The following DOCK9 variants were observed in gnomAD, a reference collection of about 807,000 sequenced individuals.
DOCK9 encodes dedicator of cytokinesis 9.
Under a neutral mutation model 263.3 loss-of-function variants are expected in DOCK9, and 89 were observed. The ratio of observed to expected loss-of-function variants is 0.34; its 90% CI spans 0.28 to 0.40. The LOEUF (loss-of-function observed/expected upper bound fraction) is 0.40, where lower values mean the gene tolerates loss of function less well. Ranked by LOEUF, DOCK9 falls within the 10% of genes least tolerant of loss-of-function variation. The pLI is 1.00. For synonymous variants in DOCK9, 976 were observed against 973.1 expected, an observed-to-expected ratio of 1.00 and a Z score of -0.06; for missense variants, 2,140 against 2,603.4, an observed-to-expected ratio of 0.82 and a Z score of 3.87.
chr13:99,077,982 C>G (rs1487997690), intron 1 of DOCK9, among the ~76,000 whole-genome samples: 1 of 151,974 alleles, frequency 6.6e-6, no homozygotes, highest in Non-Finnish European at 1.5e-5. Context: ...ATGAGGAAGG[C>G]AAAGGAGATA....
At chr13:98,906,003 T>C (rs1206585085) in intron 9 of DOCK9, among the ~76,000 whole-genome samples, 1 of 152,194 alleles carries the variant, frequency 6.6e-6, no homozygotes. Context: ...CCCACATTTC[T>C]AGCTTGGGCA....
At chr13:98,795,245 G>T (rs2089220634) in intron 52 of DOCK9, among the ~76,000 whole-genome samples, 1 of 152,188 alleles carries the variant, frequency 6.6e-6, no homozygotes. Context: ...CTTTAAAAAT[G>T]AATTTGAAGC....
Position 98,798,171 on chromosome 13 carries a change from C to A in DOCK9, c.5917-682G>T, listed in dbSNP as rs147812030. ...GAACGTGGTGAGAAAGAAGGCTGGA[C>A]ACACTGGGATGGGAAGAAGAATGTT... On this transcript the variant is annotated intron_variant, in intron 50 of 52. Coordinates refer to ENST00000682017, the MANE Select transcript of DOCK9 (RefSeq NM_001366683.2). 4.6e-5 allele frequency among the ~76,000 whole-genome samples: 7 copies of A among 152,302 alleles called. No homozygotes were observed. In the East Asian group the frequency reaches 1.4e-3, roughly 29 times the overall value.
chr13:99,072,037 C>T (rs1359749253), intron 1 of DOCK9, among the ~76,000 whole-genome samples: 4 of 152,222 alleles, frequency 2.6e-5, no homozygotes, highest in African/African-American at 7.2e-5. Flanking sequence ...TTCACCCCAG[C>T]CCCACCTTTT....
At chr13:98,960,587 T>C (rs2141099169) in intron 1 of DOCK9, among the ~76,000 whole-genome samples, 1 of 152,282 alleles carries the variant, frequency 6.6e-6, no homozygotes, top group South Asian at 2.1e-4. Flanking sequence ...CTGAAAGTGA[T>C]TTCCCGTGAA....
intron 2 of DOCK9, among the ~76,000 whole-genome samples, chr13:98,954,606 A>G (rs1176094263): frequency 6.6e-6 from 1 of 152,176 alleles, no homozygotes; most frequent in Non-Finnish European, 1.5e-5. Flanking sequence ...TACAGAGGTA[A>G]ACTTCAGGCC....
Position 98,825,906 on chromosome 13 carries a change from G to A in DOCK9, c.5023+924C>T, listed in dbSNP as rs1299851382. On this transcript the variant is annotated intron_variant, in intron 44 of 52. Coordinates refer to ENST00000682017, the MANE Select transcript of DOCK9 (RefSeq NM_001366683.2). This position sits in a 1 kb window ranked among gnomAD's most constrained non-coding sequence, Gnocchi z 4.1. ...TCCTCCTCAGGCAGGCGCTATGGCTGTGGGGGAGAAGGGGCGGCTCCCACT... is the reference window on the plus strand; with the variant it reads ...TCCTCCTCAGGCAGGCGCTATGGCTATGGGGGAGAAGGGGCGGCTCCCACT... 4.5e-6 allele frequency: 7 copies of A among 1,555,972 alleles called. No individual in the cohort carries two copies. Among genetic ancestry groups the A allele is most frequent in the Non-Finnish European group, 6.1e-6 (7 of 1,150,018 alleles).
chr13:98,892,849 C>T (rs2046830012), intron 15 of DOCK9, among the ~76,000 whole-genome samples: 1 of 152,098 alleles, frequency 6.6e-6, no homozygotes, highest in Non-Finnish European at 1.5e-5. Context: ...ATGCCTTTTG[C>T]ATTTATTCCC....
chr13:98,933,865 CTGTTGTTGTTGTTGTTGTTGTTGTTGT>C (rs71724333), intron 2 of DOCK9, among the ~76,000 whole-genome samples: 1 of 149,036 alleles, frequency 6.7e-6, no homozygotes, highest in Non-Finnish European at 1.5e-5. Flanking sequence ...AACCTAGCCT[CTGTTGTTGTTGTTGTTGTTGTTGTTGT>C]TGTTGTTGTT....
At chr13:98,868,506 G>A in intron 27 of DOCK9, 129 bp from the exon 28 acceptor site, 1 of 1,088,506 alleles carries the variant, frequency 9.2e-7, no homozygotes, top group Non-Finnish European at 1.3e-6. Context: ...GCTCACACTT[G>A]TAACCCCAGC....
intron 37 of DOCK9, chr13:98,847,127 G>T (rs2093417315): frequency 6.3e-6 from 1 of 157,966 alleles, no homozygotes; most frequent in Non-Finnish European, 1.4e-5. Flanking sequence ...AAAACATTTT[G>T]TTGGGACAGA....
At chr13:98,806,350 C>T (rs1329644492) in intron 48 of DOCK9, among the ~76,000 whole-genome samples, 12 of 152,198 alleles carry the variant, frequency 7.9e-5, no homozygotes, top group Non-Finnish European at 1.5e-5. Flanking sequence ...TAAACATAGG[C>T]AATTCCTATG....
Position 99,082,297 on chromosome 13 carries a change from C to T in DOCK9, c.129+3926G>A, listed in dbSNP as rs1206256832. 5.9e-5 allele frequency among the ~76,000 whole-genome samples: 9 copies of T among 151,982 alleles called. No individual in the cohort carries two copies. The East Asian group carries it at 1.7e-3, about 29-fold the overall frequency. On this transcript the variant is annotated intron_variant, in intron 1 of 32. Coordinates refer to the DOCK9 transcript ENST00000427887. ...CTTTGGGAGGCCGAGGTGGGCGGAT[C>T]ACCTGAGGTGAGGAGTTCAAAACCA...
At chr13:99,086,533 C>T (rs1224988574) in exon 1 of DOCK9, 2 of 222,856 alleles carry the variant, frequency 9.0e-6, no homozygotes, top group Admixed American at 6.7e-5. Flanking sequence ...CCCTCTGCAC[C>T]GTGTCACGCC....
chr13:98,890,022 T>C (rs1248535819), intron 15 of DOCK9, among the ~76,000 whole-genome samples: 1 of 152,256 alleles, frequency 6.6e-6, no homozygotes, highest in African/African-American at 2.4e-5. Flanking sequence ...TTTATTTATA[T>C]AATTATATTT....
rs919182197 is a variant in DOCK9 at position 98,829,964 on chromosome 13, T to C, written c.4636-208A>G. Among the ~76,000 whole-genome samples the C allele has an allele frequency of 1.3e-5, 2 of 152,154 alleles. No individual in the cohort carries two copies. The highest frequency in any genetic ancestry group is 2.9e-5 in the Non-Finnish European group (2 of 68,022). Reference sequence around the variant, plus strand: ...TTACAGAAAGTGATTCTGCTATCCTTAAAAAACACTGTTTGCAAAGCAAAA... The same window carrying C: ...TTACAGAAAGTGATTCTGCTATCCTCAAAAAACACTGTTTGCAAAGCAAAA... On this transcript the variant is annotated intron_variant, in intron 41 of 52. Coordinates refer to ENST00000682017, the MANE Select transcript of DOCK9 (RefSeq NM_001366683.2). The surrounding 1 kb of genome is among the most constrained non-coding windows in gnomAD (Gnocchi z 4.1).
At chr13:98,958,601 G>A (rs1450735172) in intron 1 of DOCK9, among the ~76,000 whole-genome samples, 1 of 152,238 alleles carries the variant, frequency 6.6e-6, no homozygotes, top group Non-Finnish European at 1.5e-5. Context: ...GGGCATGGCA[G>A]TGTTACAATA....
chr13:98,834,994 C>T (rs1225617402), intron 39 of DOCK9, among the ~76,000 whole-genome samples: 2 of 152,216 alleles, frequency 1.3e-5, no homozygotes, highest in East Asian at 1.9e-4. Flanking sequence ...CTCCCAGCCA[C>T]GACTTCCTCA....
chr13:98,902,933 AT>A (rs35240640), intron 11 of DOCK9, 38 bp downstream of exon 11: 985,884 of 1,318,018 alleles, frequency 0.75, 359,701 homozygotes, highest in Middle Eastern at 0.87. Flanking sequence ...ACCTCTGCCT[AT>A]TTTTTTTTTA....
Sources: gnomAD v4.1 joint callset for allele counts (sites outside exome capture counted in the v4.1 genomes callset) on GRCh38, gnomAD v4.1.1 for gene constraint, Gnocchi (gnomAD v3.1) non-coding constraint, MANE v1.5 for transcripts, NCBI Gene and HGNC (gene_info 2026-07-23, HGNC 2026-07-21) for gene names.